NDST3: variants seen among roughly 807,000 people sequenced by gnomAD.
NDST3 encodes bifunctional heparan sulfate N-deacetylase/N-sulfotransferase 3.
Under a neutral mutation model 96.1 loss-of-function variants are expected in NDST3, and 58 were observed. The observed-to-expected ratio is 0.60, with a 90% CI of 0.49 to 0.75. The LOEUF (loss-of-function observed/expected upper bound fraction) is 0.75, where lower values mean the gene tolerates loss of function less well. Ranked by LOEUF, NDST3 falls within the 30% of genes least tolerant of loss-of-function variation. The probability of loss-of-function intolerance (pLI) is 0.00; values close to 1 mark genes in which losing one functional copy is unlikely to be tolerated. For missense variants in NDST3, 788 were observed against 1,034.2 expected (o/e 0.76, Z 3.27); for synonymous variants, 333 against 359.7 (o/e 0.93, Z 0.84).
intron 2 of NDST3, among the ~76,000 whole-genome samples, chr4:118,094,797 TA>T (rs1729156759): frequency 6.6e-6 from 1 of 151,836 alleles, no homozygotes; most frequent in African/African-American, 2.4e-5. Flanking sequence ...TGAATAGCTC[TA>T]AGGGTAAGAG....
chr4:118,240,686 C>A lies in NDST3; in HGVS notation c.2281C>A (p.Pro761Thr). 6.2e-7 allele frequency: 1 copy of A among 1,613,002 alleles called. No homozygotes were observed. Among genetic ancestry groups the A allele is most frequent in the African/African-American group, 1.3e-5 (1 of 74,970 alleles). ...CGAGAGATGGCTTGTTTATTTCCCC[C>A]CATTTCAGGTATGGAGTAATAAGGA... ...HIERWLVYFP[P>T]FQLLIIDGQQ... Residue 761 changes from proline to threonine, a missense_variant, in exon 11 of 14, where the codon CCA (proline) becomes ACA (threonine). Around this residue, in one of 3 missense-constraint regions of NDST3, gnomAD observed 490 missense variants for 708.8 expected, o/e 0.69. Transcript: ENST00000296499.
chr4:118,253,550 A>C lies in NDST3; in HGVS notation c.2451A>C (p.Thr817=), dbSNP rs749783767. 1.2e-6 allele frequency: 2 copies of C among 1,613,278 alleles called. No individual in the cohort carries two copies. The highest frequency in any genetic ancestry group is 2.2e-5 in the East Asian group (1 of 44,732). Residue 817 remains threonine (T), a synonymous_variant, in exon 13 of 14, where the codon ACA becomes ACC. Transcript: ENST00000296499. The part of the protein sequence containing the change: ...FWCQLLEEGK[T]KCLGKSKGRK... ...GTCAGTTACTGGAAGAAGGTAAAAC[A>C]AAATGCCTTGGAAAGAGCAAAGGAA...
intron 6 of NDST3, among the ~76,000 whole-genome samples, chr4:118,188,406 A>G (rs893209834): frequency 2.6e-5 from 4 of 151,470 alleles, no homozygotes; most frequent in Admixed American, 2.0e-4. Flanking sequence ...AAAACTTTAA[A>G]GACTCAGAAA....
chr4:118,061,040 G>A (rs1395380483), intron 2 of NDST3, among the ~76,000 whole-genome samples: 1 of 152,116 alleles, frequency 6.6e-6, no homozygotes, highest in Non-Finnish European at 1.5e-5. Flanking sequence ...AGAGCAGACA[G>A]TCATGCCATT....
At chr4:118,240,838 T>A in intron 11 of NDST3, 144 bp downstream of exon 11, 1 of 689,656 alleles carries the variant, frequency 1.5e-6, no homozygotes, top group Non-Finnish European at 2.3e-6. Context: ...CAAAGAGAAA[T>A]AGGCAGAAGT....
chr4:118,071,073 C>A (rs1418221556), intron 2 of NDST3, among the ~76,000 whole-genome samples: 1 of 152,012 alleles, frequency 6.6e-6, no homozygotes, highest in East Asian at 1.9e-4. Flanking sequence ...TTTATGGCTG[C>A]ATAGTATTCC....
At chr4:118,039,021 A>G (rs1335237328) in intron 1 of NDST3, among the ~76,000 whole-genome samples, 2 of 152,216 alleles carry the variant, frequency 1.3e-5, no homozygotes, top group African/African-American at 4.8e-5. Context: ...TTCTTTCACT[A>G]TGTTATGGAA....
At chr4:118,069,628 G>T (rs945046338) in intron 2 of NDST3, among the ~76,000 whole-genome samples, 16 of 151,906 alleles carry the variant, frequency 1.1e-4, no homozygotes, top group Non-Finnish European at 2.2e-4. Flanking sequence ...CTACACGCTG[G>T]ATTTAGTCAA....
At chr4:118,041,437 T>C (rs945571748) in intron 1 of NDST3, among the ~76,000 whole-genome samples, 2 of 152,230 alleles carry the variant, frequency 1.3e-5, no homozygotes, top group Non-Finnish European at 1.5e-5. Flanking sequence ...TTGACATTTA[T>C]AACTGATCCA....
chr4:118,105,382 G>A (rs896125509), intron 3 of NDST3, among the ~76,000 whole-genome samples: 5 of 152,030 alleles, frequency 3.3e-5, no homozygotes, highest in African/African-American at 7.2e-5. Flanking sequence ...AATTTTCAAC[G>A]TGTACACAGC....
intron 2 of NDST3, among the ~76,000 whole-genome samples, chr4:118,062,303 A>T (rs1203304921): frequency 6.6e-6 from 1 of 152,082 alleles, no homozygotes; most frequent in Non-Finnish European, 1.5e-5. Context: ...AAGTTCCCTC[A>T]TATATATCCA....
chr4:118,245,824 C>T lies in NDST3; in HGVS notation c.2399+3675C>T, dbSNP rs538791380. ...TCATAAAAACACAATGTGATACGTA[C>T]AATTAGCTCCATTTTTTCAGATTAA... is the stretch of plus-strand genomic sequence containing the variant. On this transcript the variant is annotated intron_variant, in intron 12 of 13. Transcript: ENST00000296499. Among the ~76,000 whole-genome samples, 410 of 152,070 alleles carry T rather than the reference C, an allele frequency of 2.7e-3. 3 individuals carry two copies. The highest frequency in any genetic ancestry group is 4.9e-3 in the Non-Finnish European group (335 of 67,980).
At chr4:118,082,118 C>T (rs181602772) in intron 2 of NDST3, among the ~76,000 whole-genome samples, 6 of 152,268 alleles carry the variant, frequency 3.9e-5, no homozygotes, top group East Asian at 1.9e-4. Context: ...CTCTCTGGTA[C>T]GTCACAAAAC....
At chr4:118,163,419 C>T (rs1412303920) in intron 6 of NDST3, among the ~76,000 whole-genome samples, 1 of 151,918 alleles carries the variant, frequency 6.6e-6, no homozygotes, top group East Asian at 1.9e-4. Flanking sequence ...TACTATGCAG[C>T]CATAAAAAAT....
Position 118,105,030 on chromosome 4 carries a change from A to T in NDST3, c.994A>T (p.Thr332Ser), listed in dbSNP as rs753806625. 1.9e-6 allele frequency: 3 copies of T among 1,613,134 alleles called. No homozygotes were observed. The highest frequency in any genetic ancestry group is 1.7e-4 in the Middle Eastern group (1 of 6,056). Reference protein sequence around the residue: ...NTNDVKALLDTQNLLRAQITN... With the variant: ...NTNDVKALLDSQNLLRAQITN... The stretch of plus-strand genomic sequence containing the variant: ...TTATGTATTTCAGGCCCTGCTTGAT[A>T]CTCAGAATCTTTTGCGTGCACAAAT... Residue 332 changes from threonine (T) to serine (S), a missense_variant, in exon 3 of 14, where the codon ACT (threonine) becomes TCT (serine). Transcript: ENST00000296499.
intron 6 of NDST3, among the ~76,000 whole-genome samples, chr4:118,213,430 T>C (rs1391863116): frequency 6.6e-6 from 1 of 152,186 alleles, no homozygotes. Context: ...TATAGTCAGA[T>C]ACCAACTAAG....
At chr4:118,248,728 C>T (rs1266940664) in intron 12 of NDST3, among the ~76,000 whole-genome samples, 1 of 152,204 alleles carries the variant, frequency 6.6e-6, no homozygotes, top group Non-Finnish European at 1.5e-5. Context: ...CCTTGCTGTT[C>T]CACCAGACTT....
At chr4:118,124,745 C>A (rs151298753) in intron 4 of NDST3, among the ~76,000 whole-genome samples, 1 of 152,050 alleles carries the variant, frequency 6.6e-6, no homozygotes, top group Non-Finnish European at 1.5e-5. Flanking sequence ...CATCTCTTTT[C>A]CGGAGATGAG....
At chr4:118,229,562 AT>A (rs1740136824) in intron 8 of NDST3, among the ~76,000 whole-genome samples, 1 of 152,216 alleles carries the variant, frequency 6.6e-6, no homozygotes, top group Non-Finnish European at 1.5e-5. Flanking sequence ...TTATAAATTC[AT>A]TATGCCTTTT....
Sources: gnomAD v4.1 joint callset for allele counts (sites outside exome capture counted in the v4.1 genomes callset) on GRCh38, gnomAD v4.1.1 for gene constraint, gnomAD v4.1.1 regional missense constraint, MANE v1.5 for transcripts, NCBI Gene and HGNC (gene_info 2026-07-23, HGNC 2026-07-21) for gene names.